The following TYRP1 variants were observed in gnomAD, a reference collection of about 807,000 sequenced individuals.
TYRP1 encodes tyrosinase related protein 1.
A neutral mutation model predicts 42.8 loss-of-function variants in TYRP1; 49 were observed. The ratio of observed to expected loss-of-function variants is 1.14; its 90% confidence interval spans 0.91 to 1.45. TYRP1 has a LOEUF of 1.45. Among genes scored for constraint, TYRP1 ranks in the 40% most tolerant of loss-of-function variants. The pLI, the probability that TYRP1 is intolerant of heterozygous loss-of-function variation, is 0.00. For synonymous variants in TYRP1, 279 were observed against 235.4 expected, an observed-to-expected ratio of 1.19 and a Z score of -1.69; for missense variants, 848 against 662.0, an observed-to-expected ratio of 1.28 and a Z score of -3.08.
At chr9:12,706,679 A>C (rs1818263928) in intron 6 of TYRP1, among the ~76,000 whole-genome samples, 1 of 152,060 alleles carries the variant, frequency 6.6e-6, no homozygotes, top group African/African-American at 2.4e-5. Context: ...TGAAACAATT[A>C]GCCTCCTTCT....
In TYRP1 at chr9:12,693,899, T is replaced by C. The variant is rs2118216280; in HGVS notation, c.-85-13T>C. 5.8e-6 allele frequency: 9 copies of C among 1,542,182 alleles called. No homozygotes were observed. In the East Asian group the frequency reaches 2.0e-4, roughly 35 times the overall value. ...AAAACTTGCATAATCTCATTTTACT[T>C]TCTCTTTTTCAGCTGGATTTTCCTC... On this transcript the variant is annotated splice_polypyrimidine_tract_variant and intron_variant, in intron 1 of 7. Transcript: ENST00000388918.
rs914900114 is a variant in TYRP1, at chr9:12,707,841, T to G, written c.1262-156T>G. ...ATTTTCTGTTTTATGTAATTTCTCA[T>G]CCTGCTGTAGTGAAACTTCATATCT... On this transcript the variant is annotated intron_variant, in intron 6 of 7. Coordinates refer to ENST00000388918, the MANE Select transcript of TYRP1 (RefSeq NM_000550.3). The G allele has an allele frequency of 1.0e-5, 7 of 668,790 alleles. No homozygotes were observed. The Admixed American group carries it at 2.1e-4, about 20-fold the overall frequency. The allele number at this position is 668,790 out of a possible 1,614,324, so 41.4% of individuals were successfully genotyped here. A position where few individuals can be genotyped will look rare whatever the true frequency, so the allele number is the denominator to read the frequency against.
At chr9:12,703,085 T>C (rs1003549513) in intron 5 of TYRP1, among the ~76,000 whole-genome samples, 2 of 151,990 alleles carry the variant, frequency 1.3e-5, no homozygotes, top group Admixed American at 6.6e-5. Flanking sequence ...GTTTTCAAAA[T>C]CCAGTGTCTT....
In TYRP1 at chr9:12,694,249, G is replaced by A; in HGVS notation, c.253G>A (p.Asp85Asn). ...HSPQYPHDGRDDREVWPLRFF... is the reference protein window; with the variant it reads ...HSPQYPHDGRNDREVWPLRFF... Reference sequence around the variant, plus strand: ...CCCTCAGTATCCCCATGATGGCAGAGATGATCGGGAGGTCTGGCCCTTGCG... The same window carrying A: ...CCCTCAGTATCCCCATGATGGCAGAAATGATCGGGAGGTCTGGCCCTTGCG... The change falls in exon 2 of 8, where the codon GAT (aspartate) becomes AAT (asparagine). Residue 85 changes from aspartate (D) to asparagine (N), a missense_variant. Physicochemically the swap from Asp to Asn is conservative, Grantham distance 23 (BLOSUM62 1). Transcript: ENST00000388918. 1 of 1,613,864 alleles carries A rather than the reference G, an allele frequency of 6.2e-7. No individual in the cohort carries two copies.
At position 12,694,548 on chromosome 9, in the gene TYRP1, T is replaced by C. The variant is rs1586840783; in HGVS notation, c.385+167T>C. ...TAGAAAGGTTAAGAAACTTGTTTAA[T>C]GTAAAGGGTTGGAGTTGAAGCTCAG... On this transcript the variant is annotated intron_variant, in intron 2 of 7. Transcript: ENST00000388918. The C allele has an allele frequency of 7.1e-6, 6 of 847,206 alleles. No individual in the cohort carries two copies. In the East Asian group the frequency reaches 1.6e-4, roughly 23 times the overall value. The allele number at this position is 847,206 out of a possible 1,614,324, so 52.5% of individuals were successfully genotyped here.
intron 2 of TYRP1, among the ~76,000 whole-genome samples, chr9:12,695,025 TG>T (rs1818053497): frequency 1.3e-5 from 2 of 152,216 alleles, no homozygotes; most frequent in African/African-American, 2.4e-5. Context: ...TTTATGTGTG[TG>T]GTCTTTGAAC....
intron 4 of TYRP1, among the ~76,000 whole-genome samples, chr9:12,701,019 T>C (rs1055452094): frequency 7.9e-5 from 12 of 152,030 alleles, no homozygotes; most frequent in African/African-American, 2.9e-4. Context: ...TGAGTTGAAG[T>C]TGTAAAATTA....
intron 2 of TYRP1, among the ~76,000 whole-genome samples, chr9:12,695,256 C>T (rs945966547): frequency 6.6e-6 from 1 of 151,700 alleles, no homozygotes; most frequent in African/African-American, 2.4e-5. Flanking sequence ...GTCACAGAAA[C>T]ATAAAATCCA....
intron 4 of TYRP1, among the ~76,000 whole-genome samples, chr9:12,701,476 G>T (rs1434517020): frequency 1.3e-5 from 2 of 151,926 alleles, no homozygotes; most frequent in Admixed American, 6.6e-5. Flanking sequence ...ATAGACAGAA[G>T]AAAGTGTATC....
rs777584779 is a variant in TYRP1 at position 12,694,039 on chromosome 9, C to A, written c.43C>A (p.Pro15Thr). The A allele has an allele frequency of 3.1e-6, 5 of 1,613,968 alleles. No homozygotes were observed. The highest frequency in any genetic ancestry group is 4.2e-6 in the Non-Finnish European group (5 of 1,179,994). Residue 15 changes from proline to threonine, a missense_variant, in exon 2 of 8, where the codon CCC becomes ACC. Physicochemically the swap from Pro to Thr is conservative, Grantham distance 38. Coordinates refer to ENST00000388918, the MANE Select transcript of TYRP1 (RefSeq NM_000550.3). ...KLLSLGCIFF[P>T]LLLFQQARAQ... ...CCTCTCTCTGGGCTGTATCTTCTTC[C>A]CCTTGCTACTTTTTCAGCAGGCCCG... is the stretch of plus-strand genomic sequence containing the variant.
chr9:12,707,907 C>T (rs908839874), intron 6 of TYRP1, 90 bp from the exon 7 acceptor site: 25 of 1,309,044 alleles, frequency 1.9e-5, no homozygotes, highest in Non-Finnish European at 2.5e-5. Context: ...TTCAGGTTCT[C>T]CTTGAATATT....
At position 12,702,317 on chromosome 9, in the gene TYRP1, C is replaced by CAG; in HGVS notation, c.962_963dup (p.Pro322AspfsTer64). 1 of 1,613,136 alleles carries CAG rather than the reference C, an allele frequency of 6.2e-7. No individual in the cohort carries two copies. Among genetic ancestry groups the CAG allele is most frequent in the Non-Finnish European group, 8.5e-7 (1 of 1,179,494 alleles). On this transcript the variant is annotated frameshift_variant, in exon 5 of 8. Coordinates refer to ENST00000388918, the MANE Select transcript of TYRP1 (RefSeq NM_000550.3). LOFTEE classifies it high-confidence loss of function. ...GGAGAAATCCAGCTGGAAATGTGGCCAGACCAATGGTGCAACGTCTTCCTG... is the reference window on the plus strand; with the variant it reads ...GGAGAAATCCAGCTGGAAATGTGGCCAGAGACCAATGGTGCAACGTCTTCCTG...
chr9:12,699,524 A>G (rs1321676755), intron 4 of TYRP1, among the ~76,000 whole-genome samples: 2 of 73,774 alleles, frequency 2.7e-5, no homozygotes, highest in African/African-American at 1.2e-4. Flanking sequence ...GTATTATTTT[A>G]TGCATCAAGT....
In TYRP1 at chr9:12,709,179, C is replaced by CT; in HGVS notation, c.1612dup (p.Ter538LeufsTer25). 6.2e-7 allele frequency: 1 copy of CT among 1,612,132 alleles called. No homozygotes were observed. Among genetic ancestry groups the CT allele is most frequent in the Non-Finnish European group, 8.5e-7 (1 of 1,178,726 alleles). ...TCCAGAATCCTAATCAGTCTGTGGT[C>CT]TAACAAATGCCCTACTCTCTTATGC... On this transcript the variant is annotated frameshift_variant, in exon 8 of 8. Transcript: ENST00000388918. LOFTEE classifies it high-confidence loss of function.
rs1168789502 is a variant in TYRP1, at chr9:12,709,600, G to T, written c.*418G>T. 3 of 176,532 alleles carry T rather than the reference G, an allele frequency of 1.7e-5. No individual in the cohort carries two copies. Among genetic ancestry groups the T allele is most frequent in the Non-Finnish European group, 3.7e-5 (3 of 81,446 alleles). The allele number at this position is 176,532 out of a possible 1,614,324, so 10.9% of individuals were successfully genotyped here. A position where few individuals can be genotyped will look rare whatever the true frequency, so the allele number is the denominator to read the frequency against. The stretch of plus-strand genomic sequence containing the variant: ...AAAACATAAACACATTTCCATTCAT[G>T]GATATTTGTCAACAGATTTAAAGAA... On this transcript the variant is annotated 3_prime_UTR_variant, in exon 8 of 8. Coordinates refer to ENST00000388918, the MANE Select transcript of TYRP1 (RefSeq NM_000550.3).
In TYRP1 at chr9:12,709,451, T is replaced by G; in HGVS notation, c.*269T>G. ...ATAGTGTGAAGATCTTTGGCATGAT[T>G]TAAAGGTTGAGTATGTGAAGATATA... On this transcript the variant is annotated 3_prime_UTR_variant, in exon 8 of 8. Coordinates refer to ENST00000388918, the MANE Select transcript of TYRP1 (RefSeq NM_000550.3). The G allele has an allele frequency of 2.3e-6, 1 of 442,756 alleles. No homozygotes were observed. Among genetic ancestry groups the G allele is most frequent in the South Asian group, 2.3e-5 (1 of 43,696 alleles). The allele number at this position is 442,756 out of a possible 1,614,324, so 27.4% of individuals were successfully genotyped here.
intron 5 of TYRP1, among the ~76,000 whole-genome samples, chr9:12,702,655 G>A (rs1586844652): frequency 6.6e-6 from 1 of 151,914 alleles, no homozygotes; most frequent in South Asian, 2.1e-4. Context: ...GAAGCCCTTG[G>A]AAATCATGCT....
At chr9:12,698,024 G>T (rs1168029712) in intron 3 of TYRP1, among the ~76,000 whole-genome samples, 1 of 152,098 alleles carries the variant, frequency 6.6e-6, no homozygotes, top group Non-Finnish European at 1.5e-5. Context: ...CATATTTTAA[G>T]GCTGGATCTG....
rs59308154 is a variant in TYRP1 at position 12,701,822 on chromosome 9, GT to G, written c.914-440del. The G allele has an allele frequency of 3.2e-3, 490 of 153,634 alleles. 2 individuals are homozygous for G. Among genetic ancestry groups the G allele is most frequent in the African/African-American group, 0.011 (460 of 41,082 alleles). The allele number at this position is 153,634 out of a possible 1,614,324, so 9.5% of individuals were successfully genotyped here. A position where few individuals can be genotyped will look rare whatever the true frequency, so the allele number is the denominator to read the frequency against. On this transcript the variant is annotated intron_variant, in intron 4 of 7. Transcript: ENST00000388918. ...TATCACTTTCCAAAGAAATGTAAGG[GT>G]TTTTTTTTCCTTATTTCTCTGAAGG...
Sources: gnomAD v4.1 joint callset for allele counts (sites outside exome capture counted in the v4.1 genomes callset) on GRCh38, gnomAD v4.1.1 for gene constraint, MANE v1.5 for transcripts, NCBI Gene and HGNC (gene_info 2026-07-23, HGNC 2026-07-21) for gene names.